GYS2: variants seen among roughly 807,000 people sequenced by gnomAD.
GYS2 encodes the protein glycogen [starch] synthase, liver.
In GYS2, 80 loss-of-function variants were observed where a neutral mutation model predicts 85.6. The ratio of observed to expected loss-of-function variants is 0.93; its 90% CI spans 0.78 to 1.13. The LOEUF (loss-of-function observed/expected upper bound fraction) is 1.13. Among genes scored for constraint, GYS2 ranks in the 50% most tolerant of loss-of-function variants. The pLI, the probability that GYS2 is intolerant of heterozygous loss-of-function variation, is 0.00. For missense variants in GYS2, 881 were observed against 854.9 expected (o/e 1.03, Z -0.38); for synonymous variants, 328 against 300.7 (o/e 1.09, Z -0.94).
chr12:21,559,210 G>A, intron 9 of GYS2, 41 bp from the exon 10 acceptor site: 1 of 1,104,594 alleles, frequency 9.1e-7, no homozygotes, highest in Non-Finnish European at 1.4e-6. Flanking sequence ...AAAAACAGCT[G>A]GCACTAATTC....
intron 9 of GYS2, 72 bp from the exon 10 acceptor site, chr12:21,559,241 T>C (rs1301531114): frequency 1.3e-5 from 9 of 690,768 alleles, no homozygotes; most frequent in Admixed American, 2.5e-5. Flanking sequence ...AAGCATCAGA[T>C]TATATATTAT....
At chr12:21,546,741 T>C (rs1944045732) in intron 11 of GYS2, among the ~76,000 whole-genome samples, 1 of 152,222 alleles carries the variant, frequency 6.6e-6, no homozygotes, top group Non-Finnish European at 1.5e-5. Context: ...GTGCTCATTT[T>C]TGCTCTCACA....
At chr12:21,553,664 G>C (rs1470409773) in intron 11 of GYS2, among the ~76,000 whole-genome samples, 2 of 152,140 alleles carry the variant, frequency 1.3e-5, no homozygotes, top group East Asian at 3.8e-4. Flanking sequence ...AACTATTCTG[G>C]TAAGTGGGAG....
intron 1 of GYS2, among the ~76,000 whole-genome samples, chr12:21,596,254 A>T (rs983959324): frequency 6.6e-6 from 1 of 152,164 alleles, no homozygotes; most frequent in Non-Finnish European, 1.5e-5. Flanking sequence ...AATTCATTCT[A>T]TGAAGCCAGC....
In GYS2 at chr12:21,540,446, C is replaced by T. The variant is rs1943958870; in HGVS notation, c.1773G>A (p.Arg591=). Residue 591 remains arginine, a synonymous_variant, in exon 14 of 16, where the codon AGG becomes AGA. Transcript: ENST00000261195. The part of the protein sequence containing the change: ...QRIIQRNRTE[R]LSDLLDWRYL... ...ATCTCCAATCCAGAAGATCTGAGAG[C>T]CTCTCAGTTCTGTTCCTCTGGATAA... 1 of 1,613,980 alleles carries T rather than the reference C, an allele frequency of 6.2e-7. No homozygotes were observed. The highest frequency in any genetic ancestry group is 8.5e-7 in the Non-Finnish European group (1 of 1,179,888).
chr12:21,562,540 A>G (rs1366681415), intron 7 of GYS2, among the ~76,000 whole-genome samples: 1 of 152,066 alleles, frequency 6.6e-6, no homozygotes, highest in Non-Finnish European at 1.5e-5. Context: ...GAAAATTGAT[A>G]TTTTGCTCTG....
At chr12:21,602,349 G>A (rs963423058) in intron 1 of GYS2, among the ~76,000 whole-genome samples, 3 of 151,926 alleles carry the variant, frequency 2.0e-5, no homozygotes, top group Non-Finnish European at 2.9e-5. Context: ...ATACCTCTAC[G>A]AATCAATTTG....
chr12:21,571,551 A>T (rs1944385129), intron 4 of GYS2, among the ~76,000 whole-genome samples: 1 of 152,200 alleles, frequency 6.6e-6, no homozygotes, highest in Non-Finnish European at 1.5e-5. Flanking sequence ...ACTAGCTCAA[A>T]GCTTGATCAG....
intron 1 of GYS2, among the ~76,000 whole-genome samples, chr12:21,590,606 G>A (rs937986081): frequency 6.6e-6 from 1 of 152,086 alleles, no homozygotes; most frequent in Non-Finnish European, 1.5e-5. Context: ...AGAAGCCTGA[G>A]GACCCACACA....
intron 1 of GYS2, among the ~76,000 whole-genome samples, chr12:21,597,746 C>G (rs894204540): frequency 6.6e-6 from 1 of 152,054 alleles, no homozygotes; most frequent in African/African-American, 2.4e-5. Context: ...GATACTGGTA[C>G]CACACTGTTT....
intron 4 of GYS2, 78 bp downstream of exon 4, chr12:21,574,066 T>A: frequency 8.8e-7 from 1 of 1,140,560 alleles, no homozygotes; most frequent in Non-Finnish European, 1.3e-6. Flanking sequence ...AGATGAAATG[T>A]ACAGATCAAT....
chr12:21,539,454 AC>A lies in GYS2; in HGVS notation c.1810-117del. 3 of 739,714 alleles carry A rather than the reference AC, an allele frequency of 4.1e-6. No homozygotes were observed. In the South Asian group the frequency reaches 4.5e-5, roughly 11 times the overall value. 45.8% of individuals were successfully genotyped at this position (739,714 alleles called of 1,614,324 possible). A position where few individuals can be genotyped will look rare whatever the true frequency, so the allele number is the denominator to read the frequency against. On this transcript the variant is annotated intron_variant, in intron 14 of 15. Transcript: ENST00000261195. ...TGAAACATATGTATTTTTTAAAGTG[AC>A]AGAATCTATGCAGTCTAAGTTTGAG... is the stretch of plus-strand genomic sequence containing the variant.
chr12:21,558,894 A>C (rs1265740383), intron 10 of GYS2, among the ~76,000 whole-genome samples, 197 bp downstream of exon 10: 1 of 152,130 alleles, frequency 6.6e-6, no homozygotes, highest in East Asian at 1.9e-4. Context: ...GACAAGTTTC[A>C]TGAGATGTTT....
chr12:21,538,231 G>T (rs985670149), intron 15 of GYS2, among the ~76,000 whole-genome samples: 8 of 152,288 alleles, frequency 5.3e-5, no homozygotes, highest in Non-Finnish European at 1.0e-4. Context: ...GAGGGTTTAA[G>T]AAAACCTTAT....
At chr12:21,539,134 G>C (rs1015873052) in intron 15 of GYS2, 124 bp downstream of exon 15, 15 of 671,646 alleles carry the variant, frequency 2.2e-5, no homozygotes, top group Non-Finnish European at 3.7e-5. Context: ...CTCTCCTTTG[G>C]TTTGATTCAA....
intron 11 of GYS2, 93 bp from the exon 12 acceptor site, chr12:21,546,563 T>C: frequency 2.7e-6 from 2 of 730,990 alleles, no homozygotes; most frequent in Non-Finnish European, 4.6e-6. Context: ...TACTCTACTA[T>C]AGAATCCTTA....
chr12:21,553,962 C>T (rs1944144038), intron 11 of GYS2, among the ~76,000 whole-genome samples: 1 of 152,322 alleles, frequency 6.6e-6, no homozygotes, highest in East Asian at 1.9e-4. Context: ...CTTCCATTAA[C>T]TGAAAAGCCA....
intron 12 of GYS2, 40 bp from the exon 13 acceptor site, chr12:21,542,631 C>T (rs371664899): frequency 1.2e-5 from 16 of 1,352,520 alleles, no homozygotes; most frequent in South Asian, 4.7e-5. Context: ...TTCAGACCAG[C>T]GCCTATATCC....
intron 13 of GYS2, 42 bp from the exon 14 acceptor site, chr12:21,540,615 A>C: frequency 6.5e-7 from 1 of 1,543,724 alleles, no homozygotes; most frequent in Admixed American, 1.7e-5. Context: ...AAGTAGGACT[A>C]ACCTTAAACA....
Sources: gnomAD v4.1 joint callset for allele counts (sites outside exome capture counted in the v4.1 genomes callset) on GRCh38, gnomAD v4.1.1 for gene constraint, MANE v1.5 for transcripts, NCBI Gene and HGNC (gene_info 2026-07-23, HGNC 2026-07-21) for gene names.